Variants in CHL1 observed in about 807,000 individuals in gnomAD.
CHL1 encodes the protein cell adhesion molecule L1 like, also known as neural cell adhesion molecule L1-like protein.
Under a neutral mutation model 141.9 loss-of-function variants are expected in CHL1, and 96 were observed. The ratio of observed to expected loss-of-function variants is 0.68; its 90% CI spans 0.57 to 0.80. The LOEUF is 0.80. Ranked by LOEUF, CHL1 falls within the 30% of genes least tolerant of loss-of-function variation. The probability of loss-of-function intolerance (pLI) is 0.00; values close to 1 mark genes in which losing one functional copy is unlikely to be tolerated. For missense variants in CHL1, 1,820 were observed against 1,457.2 expected (o/e 1.25, Z -4.05); for synonymous variants, 613 against 502.2 (o/e 1.22, Z -2.95).
intron 2 of CHL1, among the ~76,000 whole-genome samples, chr3:311,415 A>T (rs576572200): frequency 1.3e-5 from 2 of 150,144 alleles, no homozygotes; most frequent in African/African-American, 4.9e-5. Context: ...TATCTGTCAC[A>T]GTGAGGGTTT....
At chr3:376,658 C>G (rs759042514) in intron 15 of CHL1, among the ~76,000 whole-genome samples, 16 of 152,288 alleles carry the variant, frequency 1.1e-4, no homozygotes, top group Non-Finnish European at 1.9e-4. Context: ...AGTCCTATTT[C>G]AAGAGGTTAT....
chr3:234,191 G>GTATATA (rs72470006), intron 1 of CHL1, among the ~76,000 whole-genome samples: 10 of 143,582 alleles, frequency 7.0e-5, no homozygotes, highest in Non-Finnish European at 1.4e-4. Flanking sequence ...ATGTGTGTGT[G>GTATATA]TGTATATATA....
rs186127837 is a variant in CHL1 at position 278,850 on chromosome 3, T to C, written c.-95+34158T>C. 1.2e-4 allele frequency among the ~76,000 whole-genome samples: 18 copies of C among 152,322 alleles called. No individual in the cohort carries two copies. The East Asian group carries it at 3.1e-3, about 26-fold the overall frequency. ...TTTTAGTTTCTGAACTCTGTCAAAC[T>C]TAGACATAGAGCAAGAAATGACATT... On this transcript the variant is annotated intron_variant, in intron 2 of 27. Transcript: ENST00000256509.
Position 363,301 on chromosome 3 carries a change from C to T in CHL1, c.1503C>T (p.Thr501=), listed in dbSNP as rs145772223. Residue 501 remains threonine, a synonymous_variant, in exon 14 of 28, where the codon ACC becomes ACT. Transcript: ENST00000256509. ...ENGTLQINRT[T]EEDAGSYSCW... is the part of the protein sequence containing the mutation. The stretch of plus-strand genomic sequence containing the variant: ...GCACATTGCAGATCAACAGAACCAC[C>T]GAAGAAGATGCTGGGTCTTACTCAT... 8 of 1,613,460 alleles carry T rather than the reference C, an allele frequency of 5.0e-6. No individual in the cohort carries two copies. The highest frequency in any genetic ancestry group is 4.5e-5 in the East Asian group (2 of 44,872).
intron 2 of CHL1, among the ~76,000 whole-genome samples, chr3:276,069 C>T (rs900854926): frequency 7.9e-5 from 12 of 151,232 alleles, no homozygotes; most frequent in Admixed American, 3.3e-4. Flanking sequence ...ACTCTAAAGT[C>T]GAAATTATTA....
chr3:351,621 C>T (rs1703269415), intron 10 of CHL1, among the ~76,000 whole-genome samples: 1 of 152,052 alleles, frequency 6.6e-6, no homozygotes, highest in Non-Finnish European at 1.5e-5. Flanking sequence ...GAGAAAATAG[C>T]AATGCTATTG....
intron 2 of CHL1, among the ~76,000 whole-genome samples, chr3:257,776 T>TA (rs1694315538): frequency 1.3e-5 from 2 of 152,178 alleles, no homozygotes; most frequent in Non-Finnish European, 2.9e-5. Context: ...TTCCTGTTTA[T>TA]AGCAGTGGAG....
chr3:316,335 T>G (rs953879366), intron 2 of CHL1, among the ~76,000 whole-genome samples: 5 of 151,962 alleles, frequency 3.3e-5, no homozygotes, highest in Non-Finnish European at 7.4e-5. Context: ...AATTTCTTCT[T>G]AACTCCTATG....
chr3:273,725 G>T (rs1002338865), intron 2 of CHL1, among the ~76,000 whole-genome samples: 4 of 151,968 alleles, frequency 2.6e-5, no homozygotes, highest in African/African-American at 9.7e-5. Flanking sequence ...TCTTATGAAT[G>T]CTTCTTATTT....
At chr3:312,288 G>C (rs1197268007) in intron 2 of CHL1, among the ~76,000 whole-genome samples, 1 of 152,178 alleles carries the variant, frequency 6.6e-6, no homozygotes, top group Non-Finnish European at 1.5e-5. Flanking sequence ...CAGGGATGAT[G>C]AGTTAACACT....
At position 202,255 on chromosome 3, in the gene CHL1, A is replaced by G. The variant is rs140416481; in HGVS notation, c.-175+5192A>G. Among the ~76,000 whole-genome samples, 55 of 152,264 alleles carry G rather than the reference A, an allele frequency of 3.6e-4. No homozygotes were observed. The East Asian group carries it at 7.9e-3, about 22-fold the overall frequency. On this transcript the variant is annotated intron_variant, in intron 1 of 27. Transcript: ENST00000256509. ...AGTAGCACGGTTTTTTATTGTAGTGATAATTATCCTTCTATATCATGTTCA... is the reference window on the plus strand; with the variant it reads ...AGTAGCACGGTTTTTTATTGTAGTGGTAATTATCCTTCTATATCATGTTCA...
rs1487310050 is a variant in CHL1 at position 198,018 on chromosome 3, T to A, written c.-175+955T>A. ...TCCGGGCTCGCTGCGAGCCACAGTG[T>A]CTCAGCCAGGGGCAGGGCCGGGGAA... is the stretch of plus-strand genomic sequence containing the variant. On this transcript the variant is annotated intron_variant, in intron 1 of 27. Coordinates refer to ENST00000256509, the MANE Select transcript of CHL1 (RefSeq NM_006614.4). 1.7e-5 allele frequency: 6 copies of A among 342,944 alleles called. No individual in the cohort carries two copies. In the East Asian group the frequency reaches 4.7e-4, roughly 27 times the overall value. 21.2% of individuals were successfully genotyped at this position (342,944 alleles called of 1,614,324 possible). A position where few individuals can be genotyped will look rare whatever the true frequency, so the allele number is the denominator to read the frequency against.
At chr3:201,472 G>A (rs1208672962) in intron 1 of CHL1, among the ~76,000 whole-genome samples, 1 of 152,020 alleles carries the variant, frequency 6.6e-6, no homozygotes, top group South Asian at 2.1e-4. Flanking sequence ...TATCTCTTTG[G>A]AAGTTAAATT....
intron 2 of CHL1, among the ~76,000 whole-genome samples, chr3:300,333 G>C (rs1023642003): frequency 6.6e-6 from 1 of 152,084 alleles, no homozygotes; most frequent in African/African-American, 2.4e-5. Flanking sequence ...TTTTGTTTGA[G>C]TTGGGGGTAG....
At chr3:290,510 AT>A (rs1451962886) in intron 2 of CHL1, among the ~76,000 whole-genome samples, 9 of 152,074 alleles carry the variant, frequency 5.9e-5, no homozygotes, top group Non-Finnish European at 1.5e-5. Flanking sequence ...TGGGTTTAGT[AT>A]TTTCTTCCAT....
At chr3:228,041 T>C (rs1701516890) in intron 1 of CHL1, among the ~76,000 whole-genome samples, 1 of 152,226 alleles carries the variant, frequency 6.6e-6, no homozygotes, top group East Asian at 1.9e-4. Flanking sequence ...CTCATTTATT[T>C]TGGCATACAG....
intron 2 of CHL1, among the ~76,000 whole-genome samples, chr3:294,572 T>C (rs1179824460): frequency 1.3e-5 from 2 of 152,230 alleles, no homozygotes; most frequent in African/African-American, 4.8e-5. Flanking sequence ...TCATTTTCTT[T>C]TTTTCCACAT....
In CHL1 at chr3:405,713, C is replaced by T. The variant is rs745444893; in HGVS notation, c.*2C>T. ...GCAACTTTTCCCCTTCGGGCATAAA[C>T]ACAACATATGTAAGCAACGCTACTG... On this transcript the variant is annotated 3_prime_UTR_variant, in exon 28 of 28. Coordinates refer to ENST00000256509, the MANE Select transcript of CHL1 (RefSeq NM_006614.4). The T allele has an allele frequency of 2.4e-5, 39 of 1,609,140 alleles. No individual in the cohort carries two copies. In the South Asian group the frequency reaches 3.3e-4, roughly 14 times the overall value.
At chr3:214,744 G>A (rs568812307) in intron 1 of CHL1, among the ~76,000 whole-genome samples, 10 of 152,224 alleles carry the variant, frequency 6.6e-5, no homozygotes, top group African/African-American at 2.4e-4. Flanking sequence ...TACAAATACA[G>A]AAGATATAAC....
Sources: gnomAD v4.1 joint callset for allele counts (sites outside exome capture counted in the v4.1 genomes callset) on GRCh38, gnomAD v4.1.1 for gene constraint, MANE v1.5 for transcripts, NCBI Gene and HGNC (gene_info 2026-07-23, HGNC 2026-07-21) for gene names.